EYS: variants seen among roughly 807,000 people sequenced by gnomAD.
EYS encodes protein eyes shut homolog.
EYS carries 250 observed loss-of-function variants against 282.1 expected under a neutral mutation model. That is an observed-to-expected ratio of 0.89 (90% CI 0.80 to 0.98). EYS has a LOEUF of 0.98. Ranked by LOEUF, EYS falls within the 50% of genes least tolerant of loss-of-function variation. EYS has a pLI of 0.00. For missense variants in EYS, 4,016 were observed against 3,709.0 expected, an observed-to-expected ratio of 1.08 and a Z score of -2.15; for synonymous variants, 1,355 against 1,282.9, an observed-to-expected ratio of 1.06 and a Z score of -1.20.
rs1772615218 is a variant in EYS, at chr6:63,864,191, G to A, written c.7223C>T (p.Thr2408Ile). ...TAATAATCAAATGCTCTTACCATCA[G>A]TGCAGAGGGGTCCAGACCTCCCATA... ...CPYGRSGPLC[T>I]DAINITQPRF... Residue 2408 changes from threonine to isoleucine, a missense_variant, in exon 36 of 43, where the codon ACT becomes ATT. Physicochemically the swap from Thr to Ile is moderately conservative, Grantham distance 89. Coordinates refer to ENST00000503581, the MANE Select transcript of EYS (RefSeq NM_001142800.2). 1 of 1,529,466 alleles carries A rather than the reference G, an allele frequency of 6.5e-7. No individual in the cohort carries two copies. Among genetic ancestry groups the A allele is most frequent in the Non-Finnish European group, 8.8e-7 (1 of 1,134,392 alleles). The allele number at this position is 1,529,466 out of a possible 1,614,324, so 94.7% of individuals were successfully genotyped here.
Position 64,951,441 on chromosome 6 carries a change from G to C in EYS, c.2260-5527C>G, listed in dbSNP as rs542956582. ...TCCTCTTTGGAAGATGTTAACATTAGATGGAGCTTTTCAAAGTTTGAAACA... is the reference window on the plus strand; with the variant it reads ...TCCTCTTTGGAAGATGTTAACATTACATGGAGCTTTTCAAAGTTTGAAACA... On this transcript the variant is annotated intron_variant, in intron 14 of 42. Coordinates refer to ENST00000503581, the MANE Select transcript of EYS (RefSeq NM_001142800.2). 1.2e-3 allele frequency among the ~76,000 whole-genome samples: 180 copies of C among 152,122 alleles called. 2 individuals are homozygous for C. The highest frequency in any genetic ancestry group is 4.3e-3 in the African/African-American group (177 of 41,564).
intron 33 of EYS, among the ~76,000 whole-genome samples, chr6:64,051,531 A>C (rs188520236): frequency 6.6e-6 from 1 of 152,176 alleles, no homozygotes; most frequent in African/African-American, 2.4e-5. Context: ...AGCTAATACT[A>C]TCAAGCTTTA....
Position 64,371,583 on chromosome 6 carries a change from G to A in EYS, c.6078+17107C>T, listed in dbSNP as rs1048079738. ...AATATCTTTGTTAATTTTCTGCCTTGATGATCTGTCTAATACTGTCAATGG... is the reference window on the plus strand; with the variant it reads ...AATATCTTTGTTAATTTTCTGCCTTAATGATCTGTCTAATACTGTCAATGG... On this transcript the variant is annotated intron_variant, in intron 29 of 42. Coordinates refer to ENST00000503581, the MANE Select transcript of EYS (RefSeq NM_001142800.2). Among the ~76,000 whole-genome samples the A allele has an allele frequency of 5.3e-5, 8 of 151,952 alleles. No homozygotes were observed. The South Asian group carries it at 6.2e-4, about 12-fold the overall frequency.
At chr6:65,618,298 G>C (rs1295588119) in intron 2 of EYS, among the ~76,000 whole-genome samples, 1 of 152,246 alleles carries the variant, frequency 6.6e-6, no homozygotes, top group Admixed American at 6.5e-5. Context: ...TTTCTCTGAC[G>C]GCCAGTGATG....
chr6:65,181,269 C>A (rs1765375439), intron 12 of EYS, among the ~76,000 whole-genome samples: 1 of 152,050 alleles, frequency 6.6e-6, no homozygotes, highest in South Asian at 2.1e-4. Flanking sequence ...AGTGAACAGG[C>A]AACCTACAGA....
intron 12 of EYS, among the ~76,000 whole-genome samples, chr6:65,150,948 G>T (rs1764597327): frequency 6.6e-6 from 1 of 151,798 alleles, no homozygotes; most frequent in Admixed American, 6.6e-5. Flanking sequence ...TAAATCATAT[G>T]ATCAGGGCTC....
chr6:63,892,915 G>T (rs1305800388), intron 35 of EYS, among the ~76,000 whole-genome samples: 1 of 152,096 alleles, frequency 6.6e-6, no homozygotes, highest in Non-Finnish European at 1.5e-5. Flanking sequence ...CCAAAAGTAG[G>T]CAAAGGATAT....
chr6:63,796,755 C>T (rs1273913798), intron 37 of EYS, among the ~76,000 whole-genome samples: 2 of 152,190 alleles, frequency 1.3e-5, no homozygotes, highest in African/African-American at 4.8e-5. Flanking sequence ...AGTTATCTCA[C>T]TCTTTTGAAA....
At chr6:63,910,738 A>G (rs560181196) in intron 35 of EYS, among the ~76,000 whole-genome samples, 3 of 152,232 alleles carry the variant, frequency 2.0e-5, no homozygotes, top group Non-Finnish European at 2.9e-5. Flanking sequence ...AGGGCATAAT[A>G]AATCTATTTC....
At chr6:65,160,033 T>G (rs1307974536) in intron 12 of EYS, among the ~76,000 whole-genome samples, 1 of 151,080 alleles carries the variant, frequency 6.6e-6, no homozygotes, top group Admixed American at 6.6e-5. Flanking sequence ...TGTTAATATT[T>G]CTGCCACAAT....
intron 26 of EYS, among the ~76,000 whole-genome samples, chr6:64,560,551 T>C (rs1765363028): frequency 6.6e-6 from 1 of 152,112 alleles, no homozygotes; most frequent in Non-Finnish European, 1.5e-5. Context: ...TCATAAAATA[T>C]AGAAAACCAT....
intron 12 of EYS, among the ~76,000 whole-genome samples, chr6:65,125,289 T>C (rs547564459): frequency 2.0e-5 from 3 of 152,342 alleles, no homozygotes; most frequent in Middle Eastern, 6.8e-3. Flanking sequence ...TCATTAGGAT[T>C]GTTCAGTGTA....
At chr6:64,670,336 C>G (rs984639395) in intron 22 of EYS, among the ~76,000 whole-genome samples, 3 of 151,470 alleles carry the variant, frequency 2.0e-5, no homozygotes, top group African/African-American at 7.3e-5. Context: ...CAGCCTTGAA[C>G]GAAGTCTACA....
At chr6:64,303,768 G>C (rs906769849) in intron 30 of EYS, among the ~76,000 whole-genome samples, 11 of 150,486 alleles carry the variant, frequency 7.3e-5, no homozygotes, top group Admixed American at 3.3e-4. Flanking sequence ...GTGAACCCGG[G>C]AGGCGGAGCT....
At chr6:65,474,093 T>C (rs1349307924) in intron 5 of EYS, among the ~76,000 whole-genome samples, 3 of 152,096 alleles carry the variant, frequency 2.0e-5, no homozygotes, top group Non-Finnish European at 2.9e-5. Context: ...ATCCATCAAT[T>C]AGTGAGGAGA....
At chr6:64,438,789 CTT>C (rs1774834729) in intron 27 of EYS, among the ~76,000 whole-genome samples, 1 of 151,530 alleles carries the variant, frequency 6.6e-6, no homozygotes, top group Non-Finnish European at 1.5e-5. Context: ...AGAACACTCT[CTT>C]GTCTTCTGAA....
intron 42 of EYS, among the ~76,000 whole-genome samples, chr6:63,724,021 G>A (rs1189837404): frequency 6.6e-6 from 1 of 151,994 alleles, no homozygotes; most frequent in Non-Finnish European, 1.5e-5. Context: ...TGGCCAGGCT[G>A]GTCTTGACCT....
intron 31 of EYS, among the ~76,000 whole-genome samples, chr6:64,123,882 C>T (rs529696657): frequency 2.6e-5 from 4 of 152,270 alleles, no homozygotes; most frequent in Admixed American, 1.3e-4. Flanking sequence ...GCAGAGTTCC[C>T]ATTTCCAGGC....
At chr6:65,091,456 T>G (rs1238798133) in intron 12 of EYS, among the ~76,000 whole-genome samples, 2 of 149,540 alleles carry the variant, frequency 1.3e-5, no homozygotes, top group African/African-American at 2.5e-5. Flanking sequence ...TCTCAAGAAA[T>G]AAATAAATAA....
Sources: allele counts gnomAD v4.1 joint callset (sites outside exome capture counted in the v4.1 genomes callset), GRCh38; gene constraint gnomAD v4.1.1; transcripts MANE v1.5; gene names NCBI Gene and HGNC (gene_info 2026-07-23, HGNC 2026-07-21).